Variants in USP39 observed in about 807,000 individuals in gnomAD.
USP39 encodes ubiquitin specific peptidase 39.
A neutral mutation model predicts 66.4 loss-of-function variants in USP39; 38 were observed. The ratio of observed to expected loss-of-function variants is 0.57; its 90% confidence interval spans 0.44 to 0.75. USP39 has a LOEUF of 0.75. USP39 is among the 30% of genes least tolerant of loss of function. The probability of loss-of-function intolerance (pLI) is 0.00; values close to 1 mark genes in which losing one functional copy is unlikely to be tolerated. For synonymous variants in USP39, 303 were observed against 274.6 expected (o/e 1.10, Z -1.02); for missense variants, 608 against 714.4 (o/e 0.85, Z 1.70).
chr2:85,619,199 C>G, intron 1 of USP39, 21 bp from the exon 2 acceptor site: 1 of 1,613,542 alleles, frequency 6.2e-7, no homozygotes, highest in Non-Finnish European at 8.5e-7. Flanking sequence ...TTTTCAAAGC[C>G]TGTGATGATT....
At chr2:85,616,528 C>T (rs756551362) in intron 1 of USP39, 65 bp downstream of exon 1, 33 of 1,062,312 alleles carry the variant, frequency 3.1e-5, no homozygotes, top group Non-Finnish European at 3.5e-5. Context: ...TTTCTTGTCT[C>T]TAATCTTCCG....
chr2:85,611,086 C>A (rs1673489790), upstream of USP39: 1 of 240,202 alleles, frequency 4.2e-6, no homozygotes, highest in African/African-American at 2.3e-5. Context: ...ACAAGAAATA[C>A]CAAAATTAAC....
intron 3 of USP39, 58 bp from the exon 4 acceptor site, chr2:85,623,588 C>A: frequency 6.6e-7 from 1 of 1,516,882 alleles, no homozygotes; most frequent in Admixed American, 2.1e-5. Flanking sequence ...AAAAGCAAAC[C>A]TGATCTGTGT....
At chr2:85,622,305 TAGAG>T (rs1216336698) in intron 3 of USP39, among the ~76,000 whole-genome samples, 1 of 151,618 alleles carries the variant, frequency 6.6e-6, no homozygotes, top group African/African-American at 2.4e-5. Flanking sequence ...TATTTTTTAG[TAGAG>T]AGGGGGTTTC....
At chr2:85,611,289 A>G (rs1673504785), upstream of USP39, 1 of 1,419,052 alleles carries the variant, frequency 7.0e-7, no homozygotes, top group African/African-American at 1.5e-5. Flanking sequence ...ATCTCTAGGT[A>G]GCAGAGAAGC....
chr2:85,617,333 C>T (rs932162464), intron 1 of USP39, among the ~76,000 whole-genome samples: 2 of 152,162 alleles, frequency 1.3e-5, no homozygotes, highest in African/African-American at 4.8e-5. Context: ...GGCACCTCTA[C>T]TAAAGTATGG....
At chr2:85,616,091 C>T (rs1277533909), upstream of USP39, 10 of 1,350,228 alleles carry the variant, frequency 7.4e-6, no homozygotes, top group East Asian at 2.7e-4. Flanking sequence ...AGTGGCGACT[C>T]GTAGAGAGTT....
chr2:85,645,628 T>C (rs995694698), intron 11 of USP39, among the ~76,000 whole-genome samples: 1 of 152,138 alleles, frequency 6.6e-6, no homozygotes, highest in Non-Finnish European at 1.5e-5. Flanking sequence ...AGGCCGGTTA[T>C]AATAGTAGTT....
chr2:85,634,048 G>A (rs1395476055), intron 6 of USP39, among the ~76,000 whole-genome samples: 2 of 150,078 alleles, frequency 1.3e-5, no homozygotes, highest in Admixed American at 6.6e-5. Flanking sequence ...CGTTTTAGCC[G>A]GGATGGTCTC....
At chr2:85,621,092 A>G in intron 2 of USP39, 1 of 156,864 alleles carries the variant, frequency 6.4e-6, no homozygotes, top group Non-Finnish European at 1.4e-5. Flanking sequence ...TCCTGGGCTT[A>G]AGTGATATGT....
intron 2 of USP39, among the ~76,000 whole-genome samples, chr2:85,620,490 A>C (rs1021953021): frequency 6.6e-6 from 1 of 151,858 alleles, no homozygotes; most frequent in Non-Finnish European, 1.5e-5. Context: ...AAAAAAAAAA[A>C]CCAAAAAAGT....
chr2:85,636,184 G>A lies in USP39; in HGVS notation c.1027+54G>A, dbSNP rs953982433. ...ATTTTGTTCCCTTTTAAAAAACTTT[G>A]CGGTCGGTCGCAATGGCTCATGCCT... On this transcript the variant is annotated intron_variant, in intron 7 of 12. Coordinates refer to ENST00000323701, the MANE Select transcript of USP39 (RefSeq NM_006590.4). The A allele has an allele frequency of 1.9e-6, 3 of 1,560,946 alleles. No homozygotes were observed. The Admixed American group carries it at 5.1e-5, about 27-fold the overall frequency.
intron 4 of USP39, among the ~76,000 whole-genome samples, chr2:85,624,385 G>A (rs1051028453): frequency 8.6e-5 from 13 of 151,572 alleles, no homozygotes; most frequent in South Asian, 2.1e-4. Flanking sequence ...TCACTTTGTC[G>A]CTCAGGCTGG....
rs1676842226 is a variant in USP39 at position 85,648,805 on chromosome 2, T to A, written c.1695T>A (p.Ala565=). 2 of 1,614,030 alleles carry A rather than the reference T, an allele frequency of 1.2e-6. No individual in the cohort carries two copies. The highest frequency in any genetic ancestry group is 1.7e-6 in the Non-Finnish European group (2 of 1,180,014). ...RDNDETNQQG[A] Reference sequence around the variant, plus strand: ...ATGATGAAACCAACCAGCAGGGGGCTTGAAGGAGGCGTCTAGGGCTTTGCT... The same window carrying A: ...ATGATGAAACCAACCAGCAGGGGGCATGAAGGAGGCGTCTAGGGCTTTGCT... Residue 565 remains alanine (A), a synonymous_variant, in exon 13 of 13, where the codon GCT becomes GCA. Transcript: ENST00000323701.
At chr2:85,605,977 G>C (rs1056274081) in intron 1 of USP39, among the ~76,000 whole-genome samples, 1 of 152,194 alleles carries the variant, frequency 6.6e-6, no homozygotes, top group African/African-American at 2.4e-5. Flanking sequence ...GTGCTTGCCA[G>C]CTGGATAACA....
rs1425486374 is a variant in USP39 at position 85,616,397 on chromosome 2, C to G, written c.202C>G (p.Pro68Ala). The G allele has an allele frequency of 7.5e-6, 12 of 1,603,604 alleles. No individual in the cohort carries two copies. The highest frequency in any genetic ancestry group is 9.4e-6 in the Non-Finnish European group (11 of 1,175,170). ...SAREAPASVV[P>A]FVRVKREREV... ...GCGCGAGGCCCCGGCTTCTGTTGTC[C>G]CGTTTGTGCGGGTGAAGCGGGAGCG... The change falls in exon 1 of 13, where the codon CCG (proline) becomes GCG (alanine). Residue 68 changes from proline (P) to alanine (A), a missense_variant. Physicochemically the swap from Pro to Ala is conservative, Grantham distance 27 (BLOSUM62 -1). Transcript: ENST00000323701.
At chr2:85,632,517 G>A (rs912765885) in intron 6 of USP39, among the ~76,000 whole-genome samples, 4 of 146,086 alleles carry the variant, frequency 2.7e-5, no homozygotes, top group East Asian at 2.0e-4. Context: ...GTGTGATCTC[G>A]GCTCGCTGCA....
At chr2:85,615,035 G>GT (rs1345579059), upstream of USP39, among the ~76,000 whole-genome samples, 98 of 151,424 alleles carry the variant, frequency 6.5e-4, no homozygotes, top group African/African-American at 2.3e-3. Context: ...GTGTGGTGTG[G>GT]GTATGACAGA....
chr2:85,638,341 A>T (rs1675950422), intron 8 of USP39, among the ~76,000 whole-genome samples: 1 of 149,286 alleles, frequency 6.7e-6, no homozygotes, highest in African/African-American at 2.5e-5. Flanking sequence ...TTTTTAATGG[A>T]TTTTTTTTCC....
Sources: gnomAD v4.1 joint callset for allele counts (sites outside exome capture counted in the v4.1 genomes callset) on GRCh38, gnomAD v4.1.1 for gene constraint, MANE v1.5 for transcripts, NCBI Gene and HGNC (gene_info 2026-07-23, HGNC 2026-07-21) for gene names.